Variants in IQGAP2 observed in about 807,000 individuals in gnomAD.
IQGAP2 encodes the protein IQ motif containing GTPase activating protein 2.
In IQGAP2, 173 loss-of-function variants were observed where a neutral mutation model predicts 201.3. The observed-to-expected ratio is 0.86, with a 90% confidence interval of 0.76 to 0.98. IQGAP2 has a LOEUF of 0.98. Ranked by LOEUF, IQGAP2 falls within the 50% of genes least tolerant of loss-of-function variation. IQGAP2 has a pLI of 0.00. For synonymous variants in IQGAP2, 675 were observed against 673.9 expected, an observed-to-expected ratio of 1.00 and a Z score of -0.03; for missense variants, 1,687 against 1,864.8, an observed-to-expected ratio of 0.90 and a Z score of 1.76.
At chr5:76,618,668 TA>T in intron 13 of IQGAP2, 1 of 1,537,148 alleles carries the variant, frequency 6.5e-7, no homozygotes, top group Non-Finnish European at 8.9e-7. Context: ...AGTATTAACA[TA>T]AATGTATAGT....
At chr5:76,501,209 G>A (rs1757253230) in intron 2 of IQGAP2, among the ~76,000 whole-genome samples, 2 of 152,070 alleles carry the variant, frequency 1.3e-5, no homozygotes, top group African/African-American at 4.8e-5. Flanking sequence ...GTTTTTAAGT[G>A]GTACTGGTGC....
chr5:76,497,816 G>A (rs1246367128), intron 2 of IQGAP2, among the ~76,000 whole-genome samples: 1 of 152,218 alleles, frequency 6.6e-6, no homozygotes, highest in African/African-American at 2.4e-5. Context: ...GACAAGGAAG[G>A]ATGATTGACC....
At chr5:76,551,175 G>A (rs937809532) in intron 2 of IQGAP2, among the ~76,000 whole-genome samples, 10 of 150,472 alleles carry the variant, frequency 6.6e-5, no homozygotes, top group East Asian at 2.0e-4. Context: ...ACGGGGTGGC[G>A]GTCGGGCAGA....
intron 2 of IQGAP2, among the ~76,000 whole-genome samples, chr5:76,537,184 T>A (rs1159315295): frequency 6.6e-6 from 1 of 152,212 alleles, no homozygotes; most frequent in Non-Finnish European, 1.5e-5. Flanking sequence ...GATATTTGCA[T>A]AGTGATTCGG....
At chr5:76,435,381 T>C (rs563770061) in intron 1 of IQGAP2, among the ~76,000 whole-genome samples, 1 of 152,274 alleles carries the variant, frequency 6.6e-6, no homozygotes, top group Non-Finnish European at 1.5e-5. Context: ...TTGTATACAA[T>C]GAGAGGGATC....
chr5:76,548,127 A>T (rs557907211), intron 2 of IQGAP2, among the ~76,000 whole-genome samples: 92 of 152,242 alleles, frequency 6.0e-4, no homozygotes, highest in Middle Eastern at 3.4e-3. Context: ...TTTCATTCTC[A>T]TGACTTCTCT....
At chr5:76,551,475 T>C (rs1402638397) in intron 2 of IQGAP2, among the ~76,000 whole-genome samples, 1 of 151,998 alleles carries the variant, frequency 6.6e-6, no homozygotes, top group Admixed American at 6.5e-5. Flanking sequence ...GAGGCTGCAA[T>C]CTCGGCACTT....
At chr5:76,498,169 C>T (rs972378702) in intron 2 of IQGAP2, among the ~76,000 whole-genome samples, 7 of 152,184 alleles carry the variant, frequency 4.6e-5, no homozygotes, top group African/African-American at 1.7e-4. Context: ...CATACATATT[C>T]AAATTTAGAA....
At chr5:76,688,643 A>G (rs1029394447) in intron 30 of IQGAP2, among the ~76,000 whole-genome samples, 19 of 152,214 alleles carry the variant, frequency 1.2e-4, no homozygotes, top group Non-Finnish European at 2.2e-4. Flanking sequence ...CAGTAAGTAT[A>G]TAATGCAAAT....
At position 76,600,992 on chromosome 5, in the gene IQGAP2, C is replaced by T. The variant is rs755302610; in HGVS notation, c.1232+20C>T. 9.4e-6 allele frequency: 15 copies of T among 1,603,144 alleles called. No homozygotes were observed. In the Admixed American group the frequency reaches 2.4e-4, roughly 25 times the overall value. On this transcript the variant is annotated intron_variant, in intron 11 of 35. Coordinates refer to ENST00000274364, the MANE Select transcript of IQGAP2 (RefSeq NM_006633.5). ...GGAACGGTAAGGAACATTTTCCAAA[C>T]CTTCTTTCAATGCAGAAATGCATGT... is the stretch of plus-strand genomic sequence containing the variant.
intron 2 of IQGAP2, among the ~76,000 whole-genome samples, chr5:76,491,372 G>A (rs1756525636): frequency 6.6e-6 from 1 of 152,136 alleles, no homozygotes; most frequent in Non-Finnish European, 1.5e-5. Flanking sequence ...TTTAATAGAT[G>A]TTTCTGTGAG....
At chr5:76,493,554 A>C (rs1756694604) in intron 2 of IQGAP2, among the ~76,000 whole-genome samples, 1 of 151,912 alleles carries the variant, frequency 6.6e-6, no homozygotes, top group African/African-American at 2.4e-5. Flanking sequence ...TTCTGCCATG[A>C]TGTGTCATTT....
intron 10 of IQGAP2, among the ~76,000 whole-genome samples, chr5:76,600,011 G>T (rs2150321626): frequency 6.6e-6 from 1 of 152,178 alleles, no homozygotes; most frequent in African/African-American, 2.4e-5. Context: ...GGCCAGGTGT[G>T]GTGATTCATG....
intron 16 of IQGAP2, among the ~76,000 whole-genome samples, chr5:76,640,179 A>G (rs185238627): frequency 6.6e-6 from 1 of 152,296 alleles, no homozygotes; most frequent in Admixed American, 6.5e-5. Flanking sequence ...TCTCTTAAAG[A>G]TATGTATGCA....
intron 18 of IQGAP2, among the ~76,000 whole-genome samples, 186 bp from the exon 19 acceptor site, chr5:76,654,013 AG>A (rs1392991358): frequency 9.2e-5 from 14 of 152,226 alleles, no homozygotes; most frequent in African/African-American, 2.7e-4. Context: ...GAACCCCTTA[AG>A]AAACCTCAGT....
intron 2 of IQGAP2, among the ~76,000 whole-genome samples, chr5:76,530,763 T>C (rs1258219062): frequency 2.0e-5 from 3 of 152,270 alleles, no homozygotes; most frequent in Admixed American, 6.5e-5. Context: ...GTCCTGTTTC[T>C]TCCTGTCCTT....
intron 2 of IQGAP2, among the ~76,000 whole-genome samples, chr5:76,534,386 C>G (rs780818760): frequency 1.3e-5 from 2 of 152,098 alleles, no homozygotes; most frequent in Non-Finnish European, 2.9e-5. Flanking sequence ...ATCCTTTGAC[C>G]GGTTTTACTA....
chr5:76,449,191 G>A (rs1341822527), intron 1 of IQGAP2, among the ~76,000 whole-genome samples: 1 of 152,134 alleles, frequency 6.6e-6, no homozygotes, highest in African/African-American at 2.4e-5. Flanking sequence ...GTGTGTGTAC[G>A]ATTTCTCTAT....
intron 5 of IQGAP2, among the ~76,000 whole-genome samples, chr5:76,584,681 T>A (rs1195303631): frequency 2.0e-5 from 3 of 152,188 alleles, no homozygotes; most frequent in Non-Finnish European, 4.4e-5. Context: ...GTCCCCAGTC[T>A]GAGAAGGAAA....
Sources: allele counts gnomAD v4.1 joint callset (sites outside exome capture counted in the v4.1 genomes callset), GRCh38; gene constraint gnomAD v4.1.1; transcripts MANE v1.5; gene names NCBI Gene and HGNC (gene_info 2026-07-23, HGNC 2026-07-21).